The following STAM variants were observed in gnomAD, a reference collection of about 807,000 sequenced individuals.
STAM encodes the protein signal transducing adaptor molecule.
In STAM, 16 loss-of-function variants were observed where a neutral mutation model predicts 63.4. The observed-to-expected ratio is 0.25, with a 90% CI of 0.17 to 0.38. The LOEUF is 0.38. Among genes scored for constraint, STAM ranks in the 10% least tolerant of loss-of-function variants. The probability of loss-of-function intolerance (pLI) is 1.00; values close to 1 mark genes in which losing one functional copy is unlikely to be tolerated. For synonymous variants in STAM, 238 were observed against 223.9 expected (o/e 1.06, Z -0.56); for missense variants, 636 against 657.1 (o/e 0.97, Z 0.35).
At chr10:17,687,269 G>A (rs1430906752) in intron 4 of STAM, among the ~76,000 whole-genome samples, 1 of 152,138 alleles carries the variant, frequency 6.6e-6, no homozygotes, top group Non-Finnish European at 1.5e-5. Flanking sequence ...GGGGTCAGGA[G>A]TTCAAGACCA....
chr10:17,657,046 C>T (rs573733885), intron 1 of STAM, among the ~76,000 whole-genome samples: 13 of 152,196 alleles, frequency 8.5e-5, no homozygotes, highest in Middle Eastern at 3.4e-3. Context: ...GCATGCCCAT[C>T]GGAGGCTTTT....
chr10:17,690,622 CTTAAG>C (rs1327762424), intron 5 of STAM, among the ~76,000 whole-genome samples: 1 of 152,124 alleles, frequency 6.6e-6, no homozygotes, highest in Non-Finnish European at 1.5e-5. Flanking sequence ...CACTTAGTTA[CTTAAG>C]TTATTACTGT....
At chr10:17,658,559 G>A (rs1467930482) in intron 1 of STAM, among the ~76,000 whole-genome samples, 1 of 152,132 alleles carries the variant, frequency 6.6e-6, no homozygotes, top group Non-Finnish European at 1.5e-5. Flanking sequence ...CGCCCAGGCT[G>A]GAGTGCAGTG....
intron 6 of STAM, among the ~76,000 whole-genome samples, chr10:17,693,516 T>C (rs45554734): frequency 0.12 from 18,405 of 152,216 alleles, 1,204 homozygotes; most frequent in African/African-American, 0.16. Context: ...AGTTTTTTAC[T>C]ATACCGTGTA....
At chr10:17,681,955 G>A (rs1404999977) in intron 2 of STAM, among the ~76,000 whole-genome samples, 1 of 152,188 alleles carries the variant, frequency 6.6e-6, no homozygotes, top group Admixed American at 6.5e-5. Context: ...TTACCATAAA[G>A]CATCCCCATG....
chr10:17,666,590 G>A (rs1303712984), intron 2 of STAM, among the ~76,000 whole-genome samples: 2 of 151,778 alleles, frequency 1.3e-5, no homozygotes, highest in Non-Finnish European at 2.9e-5. Context: ...GTAGAGACGG[G>A]GTTTCACCGT....
chr10:17,714,587 C>T lies in STAM; in HGVS notation c.1430C>T (p.Ala477Val), dbSNP rs370940096. The change falls in exon 14 of 14, where the codon GCG becomes GTG. Residue 477 changes from alanine to valine, a missense_variant. Transcript: ENST00000377524. ...CAAGGAAACACATATCCCAGCCAGGCGCCAGTATATAGTCCTCCTCCTGCC... is the reference window on the plus strand; with the variant it reads ...CAAGGAAACACATATCCCAGCCAGGTGCCAGTATATAGTCCTCCTCCTGCC... ...SVQGNTYPSQ[A>V]PVYSPPPAAT... 43 of 1,614,050 alleles carry T rather than the reference C, an allele frequency of 2.7e-5. No individual in the cohort carries two copies. Among genetic ancestry groups the T allele is most frequent in the African/African-American group, 5.3e-5 (4 of 74,906 alleles).
intron 6 of STAM, chr10:17,694,786 C>A: frequency 3.4e-6 from 1 of 295,534 alleles, no homozygotes; most frequent in East Asian, 5.8e-5. Context: ...TTTTTTATTA[C>A]CCAGAATAAT....
intron 1 of STAM, among the ~76,000 whole-genome samples, chr10:17,656,137 C>G (rs1331122885): frequency 6.6e-6 from 1 of 151,398 alleles, no homozygotes; most frequent in Admixed American, 6.6e-5. Context: ...ACTAAAAATA[C>G]AAAAAAATTA....
intron 2 of STAM, among the ~76,000 whole-genome samples, chr10:17,668,506 C>T (rs1834492313): frequency 6.6e-6 from 1 of 152,194 alleles, no homozygotes; most frequent in South Asian, 2.1e-4. Context: ...TGGGTTTTGA[C>T]AGTGTATATA....
intron 2 of STAM, 77 bp downstream of exon 2, chr10:17,660,625 C>T (rs1834129054): frequency 5.4e-6 from 6 of 1,111,918 alleles, no homozygotes; most frequent in Non-Finnish European, 7.8e-6. Flanking sequence ...GTGGCTTGCA[C>T]CTGTAGGCCC....
chr10:17,711,489 A>G (rs1836550876), intron 13 of STAM, among the ~76,000 whole-genome samples: 2 of 152,232 alleles, frequency 1.3e-5, no homozygotes, highest in African/African-American at 4.8e-5. Flanking sequence ...ATAAAAAAAT[A>G]TAATTTTATA....
At chr10:17,710,413 G>T (rs926302679) in intron 13 of STAM, among the ~76,000 whole-genome samples, 1 of 152,156 alleles carries the variant, frequency 6.6e-6, no homozygotes, top group East Asian at 1.9e-4. Flanking sequence ...CCCATAGAGT[G>T]TAGCTATTAA....
intron 10 of STAM, 27 bp from the exon 11 acceptor site, chr10:17,704,943 A>G (rs373468780): frequency 2.1e-5 from 34 of 1,596,246 alleles, no homozygotes; most frequent in Non-Finnish European, 2.7e-5. Flanking sequence ...GTACTTTCTT[A>G]TATTTCTTCA....
chr10:17,714,674 C>T lies in STAM; in HGVS notation c.1517C>T (p.Pro506Leu), dbSNP rs782014571. 4 of 1,614,054 alleles carry T rather than the reference C, an allele frequency of 2.5e-6. No homozygotes were observed. The highest frequency in any genetic ancestry group is 1.3e-5 in the African/African-American group (1 of 74,996). ...TLYQNAGPNM[P>L]QVPNYNLTSS... ...TACCAGAATGCAGGACCTAATATGCCCCAGGTGCCAAACTATAACTTAACA... is the reference window on the plus strand; with the variant it reads ...TACCAGAATGCAGGACCTAATATGCTCCAGGTGCCAAACTATAACTTAACA... Residue 506 changes from proline (P) to leucine (L), a missense_variant, in exon 14 of 14, where the codon CCC (proline) becomes CTC (leucine). This residue lies in a region of STAM where 532 missense variants were observed against 536.9 expected (regional missense o/e 0.99). Transcript: ENST00000377524.
Position 17,663,892 on chromosome 10 carries a change from G to A in STAM, c.125+3344G>A, listed in dbSNP as rs1834273101. ...CTTGATAATCTCATATTAGGAAATG[G>A]TAAACATAAGGGTCATATTAGGACA... On this transcript the variant is annotated intron_variant, in intron 2 of 13. Coordinates refer to ENST00000377524, the MANE Select transcript of STAM (RefSeq NM_003473.4). Among the ~76,000 whole-genome samples the A allele has an allele frequency of 2.0e-5, 3 of 151,798 alleles. 1 individual carries two copies. The South Asian group carries it at 6.2e-4, about 31-fold the overall frequency.
intron 1 of STAM, among the ~76,000 whole-genome samples, chr10:17,646,607 G>A (rs111301056): frequency 0.011 from 1,733 of 152,280 alleles, 38 homozygotes; most frequent in African/African-American, 0.04. Flanking sequence ...TAGCAACATT[G>A]TTTTGCTCCA....
intron 2 of STAM, among the ~76,000 whole-genome samples, chr10:17,668,261 GT>G (rs1462815157): frequency 1.3e-5 from 2 of 152,154 alleles, no homozygotes; most frequent in African/African-American, 2.4e-5. Flanking sequence ...GAGCTGGGCA[GT>G]TTTAGGAAAG....
At chr10:17,646,300 A>T (rs1314362544) in intron 1 of STAM, among the ~76,000 whole-genome samples, 1 of 152,126 alleles carries the variant, frequency 6.6e-6, no homozygotes, top group Non-Finnish European at 1.5e-5. Flanking sequence ...TATCCACTAG[A>T]TGCCGGTGAC....
Sources: allele counts gnomAD v4.1 joint callset (sites outside exome capture counted in the v4.1 genomes callset), GRCh38; gene constraint gnomAD v4.1.1; regional missense constraint gnomAD v4.1.1; transcripts MANE v1.5; gene names NCBI Gene and HGNC (gene_info 2026-07-23, HGNC 2026-07-21).